FERMT1: variants seen among roughly 807,000 people sequenced by gnomAD.
FERMT1 encodes the protein FERM domain containing kindlin 1.
FERMT1 carries 60 observed loss-of-function variants against 85.3 expected under a neutral mutation model. The ratio of observed to expected loss-of-function variants is 0.70; its 90% CI spans 0.57 to 0.87. The LOEUF is 0.87. Ranked by LOEUF, FERMT1 falls within the 40% of genes least tolerant of loss-of-function variation. The pLI, the probability that FERMT1 is intolerant of heterozygous loss-of-function variation, is 0.00. For synonymous variants in FERMT1, 275 were observed against 301.1 expected (o/e 0.91, Z 0.90); for missense variants, 701 against 818.9 (o/e 0.86, Z 1.76).
intron 4 of FERMT1, 27 bp from the exon 5 acceptor site, chr20:6,110,538 T>C (rs369244704): frequency 1.5e-5 from 23 of 1,508,254 alleles, no homozygotes; most frequent in Non-Finnish European, 2.0e-5. Flanking sequence ...TCAAGAACTA[T>C]GATATGAGAA....
At chr20:6,091,286 G>A (rs931163977) in intron 9 of FERMT1, among the ~76,000 whole-genome samples, 4 of 152,004 alleles carry the variant, frequency 2.6e-5, no homozygotes, top group Admixed American at 2.6e-4. Context: ...CTGGAGTGCA[G>A]TGGCGCAATC....
At chr20:6,080,372 TC>T (rs900458123) in intron 13 of FERMT1, among the ~76,000 whole-genome samples, 28 of 152,282 alleles carry the variant, frequency 1.8e-4, no homozygotes, top group African/African-American at 5.5e-4. Context: ...AGTCTTGAAC[TC>T]CCGAACTTAG....
intron 6 of FERMT1, among the ~76,000 whole-genome samples, chr20:6,098,408 T>C (rs1283278525): frequency 1.3e-5 from 2 of 152,024 alleles, no homozygotes; most frequent in Non-Finnish European, 2.9e-5. Flanking sequence ...GCCAAGAAAT[T>C]GAAAAAGAAC....
At position 6,096,843 on chromosome 20, in the gene FERMT1, A is replaced by G. The variant is rs1043556903; in HGVS notation, c.1089+59T>C. The G allele has an allele frequency of 3.4e-6, 5 of 1,449,826 alleles. No individual in the cohort carries two copies. The African/African-American group carries it at 4.4e-5, about 13-fold the overall frequency. The allele number at this position is 1,449,826 out of a possible 1,614,324, so 89.8% of individuals were successfully genotyped here. A position where few individuals can be genotyped will look rare whatever the true frequency, so the allele number is the denominator to read the frequency against. On this transcript the variant is annotated intron_variant, in intron 8 of 14. Transcript: ENST00000217289. The stretch of plus-strand genomic sequence containing the variant: ...ATTCTCTTCTAATAAAGAAAAGTTC[A>G]TTTATACTTGTCAATCAGAAGAAAG...
rs190844515 is a variant in FERMT1 at position 6,118,529 on chromosome 20, A to G, written c.151+875T>C. ...GTTTATAATAAGTGAATTTTTCTGT[A>G]TGTATATTATATGTCAGTCAATAAG... On this transcript the variant is annotated intron_variant, in intron 2 of 14. Coordinates refer to ENST00000217289, the MANE Select transcript of FERMT1 (RefSeq NM_017671.5). Among the ~76,000 whole-genome samples the G allele has an allele frequency of 1.1e-4, 16 of 152,256 alleles. No individual in the cohort carries two copies. The East Asian group carries it at 2.3e-3, about 22-fold the overall frequency.
chr20:6,105,445 C>G (rs1982772091), intron 6 of FERMT1, among the ~76,000 whole-genome samples: 1 of 152,190 alleles, frequency 6.6e-6, no homozygotes, highest in African/African-American at 2.4e-5. Flanking sequence ...CACAGCATTG[C>G]AGAGTACTTG....
rs750635283 is a variant in FERMT1 at position 6,079,610 on chromosome 20, C to A, written c.1719-33G>T. On this transcript the variant is annotated intron_variant, in intron 13 of 14. Coordinates refer to ENST00000217289, the MANE Select transcript of FERMT1 (RefSeq NM_017671.5). ...GAATCATAATATTAGTTAAGAGAAG[C>A]AACTGCTTCCTATAATACAATGTTC... 2.5e-6 allele frequency: 4 copies of A among 1,584,078 alleles called. No homozygotes were observed. In the Admixed American group the frequency reaches 5.0e-5, roughly 20 times the overall value.
chr20:6,082,140 T>G (rs369507855), intron 13 of FERMT1, among the ~76,000 whole-genome samples: 144 of 152,266 alleles, frequency 9.5e-4, no homozygotes, highest in Middle Eastern at 6.8e-3. Flanking sequence ...GCCCACTGCC[T>G]CAAAGCCTCA....
intron 13 of FERMT1, among the ~76,000 whole-genome samples, chr20:6,082,204 A>G (rs1285308701): frequency 1.3e-5 from 2 of 152,228 alleles, no homozygotes; most frequent in Non-Finnish European, 1.5e-5. Flanking sequence ...AGTAGCTGGT[A>G]AAGGAGGAGT....
chr20:6,115,253 G>A, intron 3 of FERMT1, among the ~76,000 whole-genome samples: 1 of 152,130 alleles, frequency 6.6e-6, no homozygotes, highest in East Asian at 1.9e-4. Context: ...ATTGGTTTGG[G>A]TAGTGTTGTC....
At chr20:6,112,714 C>A in intron 3 of FERMT1, 91 bp from the exon 4 acceptor site, 1 of 967,916 alleles carries the variant, frequency 1.0e-6, no homozygotes. Context: ...AAAATCATTT[C>A]TCAGGAAATT....
chr20:6,077,419 G>A, intron 14 of FERMT1, 73 bp from the exon 15 acceptor site: 2 of 1,505,990 alleles, frequency 1.3e-6, no homozygotes, highest in South Asian at 1.2e-5. Context: ...TTGCTGGACT[G>A]GCCCCTGGAG....
intron 13 of FERMT1, among the ~76,000 whole-genome samples, chr20:6,080,143 C>A (rs547056135): frequency 2.3e-4 from 35 of 151,932 alleles, no homozygotes; most frequent in Non-Finnish European, 7.4e-5. Flanking sequence ...GAGGGCACAG[C>A]CACTTAAAAA....
At position 6,115,898 on chromosome 20, in the gene FERMT1, G is replaced by A. The variant is rs914756695; in HGVS notation, c.298C>T (p.Arg100Cys). 15 of 1,614,156 alleles carry A rather than the reference G, an allele frequency of 9.3e-6. No individual in the cohort carries two copies. The highest frequency in any genetic ancestry group is 1.3e-5 in the Non-Finnish European group (15 of 1,180,014). The change falls in exon 3 of 15, where the codon CGT becomes TGT. Residue 100 changes from arginine to cysteine, a missense_variant. Physicochemically the swap from Arg to Cys is radical, Grantham distance 180. Transcript: ENST00000217289. The part of the protein sequence containing the change: ...FTPQHKMLRL[R>C]LPNLKMVRLR... ...CTCACCATCTTCAAATTCGGCAGAC[G>A]AAGGCGCAGCATTTTATGCTGAGGG...
intron 5 of FERMT1, among the ~76,000 whole-genome samples, chr20:6,108,858 A>G (rs1982867281): frequency 1.3e-5 from 2 of 151,488 alleles, no homozygotes; most frequent in South Asian, 4.2e-4. Flanking sequence ...CCAGCTTGAG[A>G]ATCCATACGT....
chr20:6,110,658 G>C, intron 4 of FERMT1, 147 bp from the exon 5 acceptor site: 1 of 705,826 alleles, frequency 1.4e-6, no homozygotes, highest in Non-Finnish European at 2.5e-6. Context: ...GGGCACTGTG[G>C]CCCGCGTCTA....
rs77424372 is a variant in FERMT1 at position 6,110,386 on chromosome 20, C to A, written c.658G>T (p.Ala220Ser). Residue 220 changes from alanine to serine, a missense_variant, in exon 5 of 15, where the codon GCA becomes TCA. By Grantham distance (99) the Ala-to-Ser change is moderately conservative. Transcript: ENST00000217289. ...GGGGACTGGGGGGGTTGGCTGAATG[C>A]GAGGATGCTGCAGTTTTGTTCCGTC... Reference protein sequence around the residue: ...PLTEQNCSILAFSQPPQSPEA... With the variant: ...PLTEQNCSILSFSQPPQSPEA... 3.7e-6 allele frequency: 6 copies of A among 1,613,772 alleles called. No homozygotes were observed. The East Asian group carries it at 8.9e-5, about 24-fold the overall frequency.
intron 6 of FERMT1, among the ~76,000 whole-genome samples, chr20:6,098,106 G>C (rs759707517): frequency 6.6e-6 from 1 of 152,288 alleles, no homozygotes; most frequent in Middle Eastern, 3.4e-3. Flanking sequence ...GAGCCACTGC[G>C]CCTGGCCCTC....
intron 5 of FERMT1, among the ~76,000 whole-genome samples, chr20:6,109,953 C>A (rs1190528142): frequency 1.3e-5 from 2 of 151,296 alleles, no homozygotes; most frequent in Non-Finnish European, 2.9e-5. Context: ...ACAATGTAAG[C>A]CTGGTGGGTC....
Sources: gnomAD v4.1 joint callset for allele counts (sites outside exome capture counted in the v4.1 genomes callset) on GRCh38, gnomAD v4.1.1 for gene constraint, MANE v1.5 for transcripts, NCBI Gene and HGNC (gene_info 2026-07-23, HGNC 2026-07-21) for gene names.